Variants in RXRA observed in about 807,000 individuals in gnomAD.
RXRA encodes retinoic acid receptor RXR-alpha.
In RXRA, 5 loss-of-function variants were observed where a neutral mutation model predicts 44.5. That is an observed-to-expected ratio of 0.11 (90% CI 0.06 to 0.24). The LOEUF (loss-of-function observed/expected upper bound fraction) is 0.24. Ranked by LOEUF, RXRA falls within the 10% of genes least tolerant of loss-of-function variation. RXRA has a pLI of 1.00. For synonymous variants in RXRA, 291 were observed against 271.4 expected (o/e 1.07, Z -0.71); for missense variants, 412 against 646.5 (o/e 0.64, Z 3.93).
At chr9:134,367,325 G>A (rs1364738450) in intron 1 of RXRA, among the ~76,000 whole-genome samples, 2 of 152,192 alleles carry the variant, frequency 1.3e-5, no homozygotes, top group East Asian at 3.9e-4. Flanking sequence ...CTGAGTCTGC[G>A]GTGGGGGGGA....
chr9:134,353,256 G>C (rs1554749674), intron 1 of RXRA, among the ~76,000 whole-genome samples: 3 of 152,136 alleles, frequency 2.0e-5, no homozygotes, highest in Non-Finnish European at 2.9e-5. Context: ...TGTTTTCTTC[G>C]GTGGATTTCC....
intron 7 of RXRA, 27 bp downstream of exon 7, chr9:134,429,267 G>A: frequency 6.2e-7 from 1 of 1,603,218 alleles, no homozygotes; most frequent in Non-Finnish European, 8.5e-7. Flanking sequence ...GAGGGGCGAG[G>A]GCGCTTCGGT....
At chr9:134,415,628 A>T (rs535436367) in intron 4 of RXRA, among the ~76,000 whole-genome samples, 23 of 151,992 alleles carry the variant, frequency 1.5e-4, no homozygotes, top group Non-Finnish European at 2.5e-4. Flanking sequence ...GCCAGGCCAT[A>T]CCCTTGGGCC....
intron 1 of RXRA, among the ~76,000 whole-genome samples, chr9:134,362,651 G>A (rs975901573): frequency 3.3e-5 from 5 of 152,234 alleles, no homozygotes; most frequent in African/African-American, 1.2e-4. Flanking sequence ...CGGGGCTGAC[G>A]GTTAAGTCGT....
chr9:134,369,777 A>G (rs1830468162), intron 1 of RXRA, among the ~76,000 whole-genome samples: 1 of 152,010 alleles, frequency 6.6e-6, no homozygotes, highest in South Asian at 2.1e-4. Flanking sequence ...ACAGCCTCAC[A>G]TTTGGAGGCA....
chr9:134,397,162 C>T (rs938218827), intron 1 of RXRA, among the ~76,000 whole-genome samples: 2 of 152,220 alleles, frequency 1.3e-5, no homozygotes, highest in Non-Finnish European at 2.9e-5. Flanking sequence ...CTTTGGTCAA[C>T]AGGGTGTCCC....
At chr9:134,412,334 G>C (rs1831163035) in intron 4 of RXRA, among the ~76,000 whole-genome samples, 1 of 152,226 alleles carries the variant, frequency 6.6e-6, no homozygotes, top group African/African-American at 2.4e-5. Context: ...CCCGGTTTGT[G>C]ATCAGACCCC....
At chr9:134,382,213 CCTG>C (rs1359107497) in intron 1 of RXRA, among the ~76,000 whole-genome samples, 1 of 152,104 alleles carries the variant, frequency 6.6e-6, no homozygotes, top group East Asian at 1.9e-4. Context: ...TGCCTCCCCG[CCTG>C]CTGCTGCCCC....
intron 1 of RXRA, among the ~76,000 whole-genome samples, chr9:134,370,614 C>A (rs1290058286): frequency 6.6e-6 from 1 of 152,240 alleles, no homozygotes; most frequent in Non-Finnish European, 1.5e-5. Flanking sequence ...TTTCAGAGTG[C>A]TGCCTGCTAT....
intron 1 of RXRA, among the ~76,000 whole-genome samples, chr9:134,368,428 C>T (rs1037100677): frequency 6.6e-6 from 1 of 152,232 alleles, no homozygotes; most frequent in African/African-American, 2.4e-5. Flanking sequence ...CTGTGGTGTT[C>T]GGAGATGCGC....
At chr9:134,401,304 A>G in intron 1 of RXRA, 1 of 363,330 alleles carries the variant, frequency 2.8e-6, no homozygotes. Context: ...CTGCTTTCCC[A>G]GGTGGACGGG....
intron 5 of RXRA, among the ~76,000 whole-genome samples, chr9:134,419,438 G>C (rs1453650899): frequency 6.6e-6 from 1 of 152,198 alleles, no homozygotes; most frequent in African/African-American, 2.4e-5. Context: ...GGGTCTCTCT[G>C]TGCCCGCTCA....
rs745660512 is a variant in RXRA, at chr9:134,408,171, T to TCAG, written c.310_312dup (p.Ser104dup). 2.4e-5 allele frequency: 38 copies of TCAG among 1,586,066 alleles called. No individual in the cohort carries two copies. Among genetic ancestry groups the TCAG allele is most frequent in the Non-Finnish European group, 3.1e-5 (36 of 1,166,294 alleles). On this transcript the variant is annotated inframe_insertion, in exon 3 of 10. Transcript: ENST00000481739. Reference sequence around the variant, plus strand: ...CAGCTCAGCTCACCTATGAACCCCGTCAGCAGCAGCGAGGACATCAAGCCC... The same window carrying TCAG: ...CAGCTCAGCTCACCTATGAACCCCGTCAGCAGCAGCAGCGAGGACATCAAGCCC...
intron 1 of RXRA, among the ~76,000 whole-genome samples, chr9:134,385,231 T>A (rs1445769576): frequency 2.6e-5 from 4 of 152,146 alleles, no homozygotes; most frequent in Non-Finnish European, 5.9e-5. Context: ...AAGCTGCACG[T>A]CCACACCCCC....
intron 1 of RXRA, among the ~76,000 whole-genome samples, chr9:134,338,626 G>T (rs1554747659): frequency 6.6e-6 from 1 of 152,228 alleles, no homozygotes; most frequent in African/African-American, 2.4e-5. Context: ...GGCTGCTGGT[G>T]GGGGCAGGGG....
At position 134,434,088 on chromosome 9, in the gene RXRA, C is replaced by T; in HGVS notation, c.1136-14C>T. 6.2e-7 allele frequency: 1 copy of T among 1,606,664 alleles called. No homozygotes were observed. The highest frequency in any genetic ancestry group is 8.5e-7 in the Non-Finnish European group (1 of 1,174,164). On this transcript the variant is annotated splice_polypyrimidine_tract_variant and intron_variant, in intron 8 of 9. Transcript: ENST00000481739. ...CCCAGCTGAGGGTTCTGACCTGTGG[C>T]TTCTTCCTTTCAGACTCCAAGGGGC...
intron 1 of RXRA, among the ~76,000 whole-genome samples, chr9:134,347,331 G>A (rs1554748945): frequency 2.0e-5 from 3 of 152,244 alleles, no homozygotes; most frequent in Admixed American, 6.5e-5. Context: ...GACGCGCCCT[G>A]CCGCGGTGTT....
chr9:134,424,560 A>G, intron 6 of RXRA: 1 of 985,372 alleles, frequency 1.0e-6, no homozygotes, highest in Non-Finnish European at 1.2e-6. Flanking sequence ...TGGCTGAGTC[A>G]CTTACTCTCT....
chr9:134,381,131 G>A (rs1830638531), intron 1 of RXRA, among the ~76,000 whole-genome samples: 1 of 152,212 alleles, frequency 6.6e-6, no homozygotes, highest in Admixed American at 6.5e-5. Flanking sequence ...CTGATTTGAG[G>A]AAGGACAGAC....
Sources: gnomAD v4.1 joint callset for allele counts (sites outside exome capture counted in the v4.1 genomes callset) on GRCh38, gnomAD v4.1.1 for gene constraint, MANE v1.5 for transcripts, NCBI Gene and HGNC (gene_info 2026-07-23, HGNC 2026-07-21) for gene names.